The following TENT2 variants were observed in gnomAD, a reference collection of about 807,000 sequenced individuals.
TENT2 encodes the protein terminal nucleotidyltransferase 2, also known as poly(A) RNA polymerase GLD2.
In TENT2, 44 loss-of-function variants were observed where a neutral mutation model predicts 72.2. The observed-to-expected ratio is 0.61, with a 90% CI of 0.48 to 0.78. TENT2 has a LOEUF of 0.78. Ranked by LOEUF, TENT2 falls within the 30% of genes least tolerant of loss-of-function variation. TENT2 has a pLI of 0.00. For synonymous variants in TENT2, 212 were observed against 192.5 expected (o/e 1.10, Z -0.84); for missense variants, 541 against 569.6 (o/e 0.95, Z 0.51).
At chr5:79,655,746 G>GT (rs551151075) in intron 10 of TENT2, among the ~76,000 whole-genome samples, 599 of 143,798 alleles carry the variant, frequency 4.2e-3, no homozygotes, top group East Asian at 0.011. Context: ...TAATGATTGA[G>GT]TTTTTTTTTT....
chr5:79,656,575 TA>T (rs1734521659), intron 10 of TENT2, among the ~76,000 whole-genome samples: 1 of 152,012 alleles, frequency 6.6e-6, no homozygotes, highest in Non-Finnish European at 1.5e-5. Flanking sequence ...TTTAAAATTG[TA>T]GTTTTTGATT....
intron 5 of TENT2, 33 bp downstream of exon 5, chr5:79,640,998 A>G: frequency 1.3e-6 from 2 of 1,505,102 alleles, no homozygotes; most frequent in Non-Finnish European, 1.8e-6. Flanking sequence ...TCCTTTAGGT[A>G]TATGCATTCC....
rs570618591 is a variant in TENT2 at position 79,633,935 on chromosome 5, C to T, written c.466-6916C>T. ...TTGGGAGGCCGAGGCGGGCAGATCA[C>T]GAGGTCAGGAGATCGAGACCATCCT... On this transcript the variant is annotated intron_variant, in intron 4 of 14. Coordinates refer to ENST00000453514, the MANE Select transcript of TENT2 (RefSeq NM_001114394.3). Among the ~76,000 whole-genome samples the T allele has an allele frequency of 5.0e-3, 718 of 144,354 alleles. 3 individuals are homozygous for T. Among genetic ancestry groups the T allele is most frequent in the South Asian group, 0.011 (52 of 4,546 alleles). The allele number at this position is 144,354 out of a possible 152,430, so 94.7% of individuals were successfully genotyped here. A position where few individuals can be genotyped will look rare whatever the true frequency, so the allele number is the denominator to read the frequency against.
chr5:79,665,761 T>C (rs1255871928), intron 11 of TENT2, among the ~76,000 whole-genome samples: 4 of 152,166 alleles, frequency 2.6e-5, no homozygotes, highest in Admixed American at 2.6e-4. Flanking sequence ...AATTTATTTA[T>C]TAAAGAGGTG....
At chr5:79,647,523 A>G (rs1790089832) in intron 8 of TENT2, among the ~76,000 whole-genome samples, 1 of 152,194 alleles carries the variant, frequency 6.6e-6, no homozygotes, top group African/African-American at 2.4e-5. Context: ...ATAACGTATA[A>G]TATCTGAAGT....
chr5:79,648,924 G>T, intron 9 of TENT2, 138 bp from the exon 10 acceptor site: 1 of 1,041,316 alleles, frequency 9.6e-7, no homozygotes, highest in Non-Finnish European at 1.4e-6. Context: ...TTAGACATAA[G>T]ACACAAAGTG....
intron 4 of TENT2, among the ~76,000 whole-genome samples, chr5:79,635,931 T>A (rs889571852): frequency 6.6e-6 from 1 of 152,228 alleles, no homozygotes; most frequent in Non-Finnish European, 1.5e-5. Context: ...CTGATCTGCC[T>A]GATTCTCTAC....
chr5:79,658,583 C>T (rs1256345952), intron 11 of TENT2, among the ~76,000 whole-genome samples: 1 of 152,166 alleles, frequency 6.6e-6, no homozygotes, highest in Non-Finnish European at 1.5e-5. Context: ...ATTGACCCAA[C>T]CTCATCTTGC....
At chr5:79,624,845 T>C (rs1483351432) in intron 4 of TENT2, among the ~76,000 whole-genome samples, 2 of 152,234 alleles carry the variant, frequency 1.3e-5, no homozygotes, top group African/African-American at 4.8e-5. Flanking sequence ...TTTTGTCTGT[T>C]ATGAATAGTG....
chr5:79,664,074 T>A (rs1805257023), intron 11 of TENT2, among the ~76,000 whole-genome samples: 1 of 151,988 alleles, frequency 6.6e-6, no homozygotes, highest in Admixed American at 6.5e-5. Flanking sequence ...TTGTAAGTAA[T>A]CTAGAGATGA....
At chr5:79,678,423 A>G (rs1818995373) in intron 12 of TENT2, among the ~76,000 whole-genome samples, 1 of 152,166 alleles carries the variant, frequency 6.6e-6, no homozygotes, top group African/African-American at 2.4e-5. Context: ...AAAGTTAAAT[A>G]CTACTTAAAA....
intron 4 of TENT2, among the ~76,000 whole-genome samples, chr5:79,624,921 T>C (rs1768199316): frequency 6.6e-6 from 1 of 152,198 alleles, no homozygotes; most frequent in South Asian, 2.1e-4. Context: ...TGGAGTGAAA[T>C]TGCTTGGTCA....
chr5:79,656,102 T>C (rs1349351125), intron 10 of TENT2, among the ~76,000 whole-genome samples: 3 of 152,002 alleles, frequency 2.0e-5, no homozygotes, highest in African/African-American at 7.2e-5. Flanking sequence ...TCCTAATTCT[T>C]AAATTTGAAA....
At chr5:79,632,092 A>C (rs943595264) in intron 4 of TENT2, among the ~76,000 whole-genome samples, 2 of 152,192 alleles carry the variant, frequency 1.3e-5, no homozygotes, top group Non-Finnish European at 2.9e-5. Flanking sequence ...GAATGTAGGG[A>C]ATCAAACTGA....
rs188298169 is a variant in TENT2, at chr5:79,674,535, A to G, written c.1209-5044A>G. Among the ~76,000 whole-genome samples the G allele has an allele frequency of 4.1e-3, 629 of 152,286 alleles. 3 individuals are homozygous for G. Among genetic ancestry groups the G allele is most frequent in the South Asian group, 0.021 (102 of 4,822 alleles). The stretch of plus-strand genomic sequence containing the variant: ...TATAAAAGGTATTTGAGTTACTGTT[A>G]ATTTTCTAATTGCTGTTGGTGTTAT... On this transcript the variant is annotated intron_variant, in intron 12 of 14. Coordinates refer to ENST00000453514, the MANE Select transcript of TENT2 (RefSeq NM_001114394.3).
intron 10 of TENT2, among the ~76,000 whole-genome samples, chr5:79,653,895 G>A (rs1795995990): frequency 6.6e-6 from 1 of 152,150 alleles, no homozygotes; most frequent in African/African-American, 2.4e-5. Flanking sequence ...AATCTCACCT[G>A]TAACACAAAC....
chr5:79,673,285 A>T (rs1297352202), intron 12 of TENT2, among the ~76,000 whole-genome samples: 1 of 152,152 alleles, frequency 6.6e-6, no homozygotes, highest in Non-Finnish European at 1.5e-5. Context: ...GCTATGCAGA[A>T]GCTTTTTAAC....
rs952101690 is a variant in TENT2, at chr5:79,687,652, C to A, written c.*2379C>A. Among the ~76,000 whole-genome samples, 1 of 152,150 alleles carries A rather than the reference C, an allele frequency of 6.6e-6. No individual in the cohort carries two copies. Among genetic ancestry groups the A allele is most frequent in the Admixed American group, 6.5e-5 (1 of 15,272 alleles). On this transcript the variant is annotated 3_prime_UTR_variant, in exon 15 of 15. Coordinates refer to ENST00000453514, the MANE Select transcript of TENT2 (RefSeq NM_001114394.3). ...ATGCAACCATTCTGCCTCCTCCCTA[C>A]CCCCTCCCAAATATTTTTCATCCTG...
rs888816596 is a variant in TENT2 at position 79,619,643 on chromosome 5, A to G, written c.-6A>G. ...GAATACATGTTCACTTCCAGTGAAC[A>G]AGAGCATGTTCCCAAACTCAATTTT... is the stretch of plus-strand genomic sequence containing the variant. On this transcript the variant is annotated 5_prime_UTR_variant, in exon 2 of 15. Coordinates refer to ENST00000453514, the MANE Select transcript of TENT2 (RefSeq NM_001114394.3). The G allele has an allele frequency of 3.1e-6, 5 of 1,609,044 alleles. No homozygotes were observed. The highest frequency in any genetic ancestry group is 4.3e-6 in the Non-Finnish European group (5 of 1,175,630).
Sources: gnomAD v4.1 joint callset for allele counts (sites outside exome capture counted in the v4.1 genomes callset) on GRCh38, gnomAD v4.1.1 for gene constraint, MANE v1.5 for transcripts, NCBI Gene and HGNC (gene_info 2026-07-23, HGNC 2026-07-21) for gene names.